Variants in DLGAP2 observed in about 807,000 individuals in gnomAD.
DLGAP2 encodes the protein DLG associated protein 2.
DLGAP2 carries 26 observed loss-of-function variants against 100.3 expected under a neutral mutation model. The ratio of observed to expected loss-of-function variants is 0.26; its 90% CI spans 0.19 to 0.36. DLGAP2 has a LOEUF of 0.36. DLGAP2 is among the 10% of genes least tolerant of loss of function. The probability of loss-of-function intolerance (pLI) is 1.00; values close to 1 mark genes in which losing one functional copy is unlikely to be tolerated. For missense variants in DLGAP2, 1,858 were observed against 1,453.2 expected, an observed-to-expected ratio of 1.28 and a Z score of -4.53; for synonymous variants, 886 against 630.1, an observed-to-expected ratio of 1.41 and a Z score of -6.08.
chr8:1,096,822 G>C (rs371032621), intron 2 of DLGAP2, among the ~76,000 whole-genome samples: 2 of 119,560 alleles, frequency 1.7e-5, no homozygotes, highest in African/African-American at 6.1e-5. Context: ...AGCTCCCTGC[G>C]CTCAGTAGAG....
intron 1 of DLGAP2, among the ~76,000 whole-genome samples, chr8:770,271 G>A (rs1048933993): frequency 3.3e-5 from 5 of 152,234 alleles, no homozygotes; most frequent in African/African-American, 1.2e-4. Flanking sequence ...CGTGGCGTGC[G>A]TGGCTCAGAG....
At chr8:1,291,382 T>C (rs1187622629) in intron 3 of DLGAP2, among the ~76,000 whole-genome samples, 1 of 152,120 alleles carries the variant, frequency 6.6e-6, no homozygotes, top group Non-Finnish European at 1.5e-5. Context: ...ATCATGGGCA[T>C]TACTCTCTAA....
At chr8:1,066,607 G>A (rs1803261988) in intron 2 of DLGAP2, among the ~76,000 whole-genome samples, 1 of 151,532 alleles carries the variant, frequency 6.6e-6, no homozygotes, top group South Asian at 2.1e-4. Flanking sequence ...TCTGAGTGAG[G>A]GCAGCTCCCC....
chr8:1,569,041 G>T lies in DLGAP2; in HGVS notation c.1442+3147G>T, dbSNP rs542992602. ...CAGCAGACACAAATCCACTCTGCCT[G>T]CAGCCCCCATGCCACTGCCCACTCA... On this transcript the variant is annotated intron_variant, in intron 6 of 14. Coordinates refer to ENST00000637795, the MANE Select transcript of DLGAP2 (RefSeq NM_001346810.2). 2.7e-3 allele frequency among the ~76,000 whole-genome samples: 362 copies of T among 136,526 alleles called. 1 individual carries two copies. The highest frequency in any genetic ancestry group is 0.021 in the Middle Eastern group (4 of 194). The allele number at this position is 136,526 out of a possible 152,430, so 89.6% of individuals were successfully genotyped here. A position where few individuals can be genotyped will look rare whatever the true frequency, so the allele number is the denominator to read the frequency against.
In DLGAP2 at chr8:1,691,560, T is replaced by A; in HGVS notation, c.2730T>A (p.Val910=). 1.2e-6 allele frequency: 2 copies of A among 1,614,176 alleles called. No individual in the cohort carries two copies. Among genetic ancestry groups the A allele is most frequent in the Non-Finnish European group, 1.7e-6 (2 of 1,180,010 alleles). ...TTCTCGGTAAAATCAGGAGTGCTGT[T>A]GGGAGTGCCCAGCTTCTCATGTCCC... The part of the protein sequence containing the change: ...EEILGKIRSA[V]GSAQLLMSQK... The change falls in exon 13 of 15, where the codon GTT becomes GTA. Residue 910 remains valine (V), a synonymous_variant. Transcript: ENST00000637795.
intron 1 of DLGAP2, among the ~76,000 whole-genome samples, chr8:759,188 G>C (rs112282788): frequency 0.04 from 1,251 of 31,126 alleles, no homozygotes; most frequent in Middle Eastern, 0.056. Flanking sequence ...CAATACCCCC[G>C]ACAGCCTTCC....
rs555877414 is a variant in DLGAP2 at position 1,224,741 on chromosome 8, C to G, written c.74-34110C>G. 3.3e-5 allele frequency among the ~76,000 whole-genome samples: 5 copies of G among 152,252 alleles called. No homozygotes were observed. In the East Asian group the frequency reaches 5.8e-4, roughly 18 times the overall value. Reference sequence around the variant, plus strand: ...TAGTTGAAGAACTGTTAAAATTCAACAACACAAAAGCCTAATTTTAAAATG... The same window carrying G: ...TAGTTGAAGAACTGTTAAAATTCAAGAACACAAAAGCCTAATTTTAAAATG... On this transcript the variant is annotated intron_variant, in intron 2 of 14. Coordinates refer to ENST00000637795, the MANE Select transcript of DLGAP2 (RefSeq NM_001346810.2).
chr8:1,541,672 C>A (rs913053450), intron 4 of DLGAP2, among the ~76,000 whole-genome samples: 3 of 152,242 alleles, frequency 2.0e-5, no homozygotes, highest in Admixed American at 2.0e-4. Flanking sequence ...TCTAGAACCT[C>A]TGCCAGCTCA....
At chr8:1,483,716 G>C (rs1563176055) in intron 3 of DLGAP2, among the ~76,000 whole-genome samples, 1 of 150,788 alleles carries the variant, frequency 6.6e-6, no homozygotes, top group Non-Finnish European at 1.5e-5. Flanking sequence ...GCAGGACGTG[G>C]GGACCAGGAA....
At chr8:974,948 C>G (rs372368276) in intron 2 of DLGAP2, among the ~76,000 whole-genome samples, 1 of 152,048 alleles carries the variant, frequency 6.6e-6, no homozygotes, top group Admixed American at 6.6e-5. Flanking sequence ...AAACTTAAGC[C>G]AAGAGCTTGT....
chr8:861,522 T>C (rs1797390702), intron 1 of DLGAP2, among the ~76,000 whole-genome samples: 1 of 152,212 alleles, frequency 6.6e-6, no homozygotes, highest in South Asian at 2.1e-4. Context: ...TCTTACTGCT[T>C]AGTAGGGTCT....
At chr8:1,486,269 G>A (rs561083840) in intron 3 of DLGAP2, among the ~76,000 whole-genome samples, 13 of 152,264 alleles carry the variant, frequency 8.5e-5, no homozygotes, top group South Asian at 2.1e-4. Context: ...TGCATATTAC[G>A]GCAGATGGAA....
intron 3 of DLGAP2, among the ~76,000 whole-genome samples, chr8:1,270,876 T>A (rs1396354951): frequency 1.3e-5 from 2 of 152,184 alleles, no homozygotes; most frequent in African/African-American, 4.8e-5. Context: ...GGTCTGATTT[T>A]TATTTTCTAG....
intron 2 of DLGAP2, among the ~76,000 whole-genome samples, chr8:1,185,874 CCCA>C (rs1797492830): frequency 6.6e-6 from 1 of 152,102 alleles, no homozygotes; most frequent in Non-Finnish European, 1.5e-5. Flanking sequence ...CCCAACTTGC[CCCA>C]CAGAGAACAC....
At position 1,123,801 on chromosome 8, in the gene DLGAP2, T is replaced by C. The variant is rs572955625; in HGVS notation, c.74-135050T>C. On this transcript the variant is annotated intron_variant, in intron 2 of 14. Coordinates refer to ENST00000637795, the MANE Select transcript of DLGAP2 (RefSeq NM_001346810.2). ...TAAAACTTCAGCACTTTGTACATTT[T>C]TCAATATTAATTAATAATGTCAAGG... Among the ~76,000 whole-genome samples the C allele has an allele frequency of 5.4e-4, 82 of 152,324 alleles. 1 individual carries two copies. The South Asian group carries it at 9.8e-3, about 18-fold the overall frequency.
chr8:749,935 T>C (rs1258500110), intron 1 of DLGAP2, among the ~76,000 whole-genome samples: 4 of 152,168 alleles, frequency 2.6e-5, no homozygotes, highest in Non-Finnish European at 5.9e-5. Context: ...TGCTTCTCTG[T>C]CTCCACGTGG....
At position 960,252 on chromosome 8, in the gene DLGAP2, T is replaced by TTTTTTTTTTTTTTTTTTTTTC. The variant is rs369284313; in HGVS notation, c.73+52286_73+52287insTTTTTTTTTTTTTTTTTTTTC. Among the ~76,000 whole-genome samples, 61 of 142,010 alleles carry TTTTTTTTTTTTTTTTTTTTTC rather than the reference T, an allele frequency of 4.3e-4. 3 individuals carry two copies. The highest frequency in any genetic ancestry group is 1.6e-3 in the African/African-American group (59 of 36,178). 93.2% of individuals were successfully genotyped at this position (142,010 alleles called of 152,430 possible). On this transcript the variant is annotated intron_variant, in intron 2 of 14. Coordinates refer to ENST00000637795, the MANE Select transcript of DLGAP2 (RefSeq NM_001346810.2). ...TGAAGTATATCTTTTTTTTTTTTTTTCCCGAGACACTCTCACGCTGTCGTC... is the reference window on the plus strand; with the variant it reads ...TGAAGTATATCTTTTTTTTTTTTTTTTTTTTTTTTTTTTTTTTTTTCCCCGAGACACTCTCACGCTGTCGTC...
intron 5 of DLGAP2, among the ~76,000 whole-genome samples, chr8:1,555,937 G>T (rs1382175668): frequency 3.3e-5 from 5 of 152,100 alleles, no homozygotes; most frequent in Admixed American, 3.3e-4. Context: ...ACAGTGTTCC[G>T]AAAAGCACAT....
intron 3 of DLGAP2, among the ~76,000 whole-genome samples, chr8:1,313,912 G>A (rs530065230): frequency 5.9e-5 from 9 of 151,994 alleles, no homozygotes; most frequent in Middle Eastern, 3.4e-3. Context: ...AAGAACCACC[G>A]CACGGTAGCT....
Sources: gnomAD v4.1 joint callset for allele counts (sites outside exome capture counted in the v4.1 genomes callset) on GRCh38, gnomAD v4.1.1 for gene constraint, MANE v1.5 for transcripts, NCBI Gene and HGNC (gene_info 2026-07-23, HGNC 2026-07-21) for gene names.